Variants in PCDH15 observed in about 807,000 individuals in gnomAD.
The protein encoded by PCDH15 is protocadherin-15.
A neutral mutation model predicts 178.5 loss-of-function variants in PCDH15; 129 were observed. The ratio of observed to expected loss-of-function variants is 0.72; its 90% CI spans 0.63 to 0.84. The LOEUF (loss-of-function observed/expected upper bound fraction) is 0.84, where lower values mean the gene tolerates loss of function less well. Among genes scored for constraint, PCDH15 ranks in the 40% least tolerant of loss-of-function variants. The pLI, the probability that PCDH15 is intolerant of heterozygous loss-of-function variation, is 0.00. For missense variants in PCDH15, 2,230 were observed against 2,099.9 expected (o/e 1.06, Z -1.21); for synonymous variants, 800 against 732.0 (o/e 1.09, Z -1.50).
At chr10:54,678,466 T>G (rs1361776452) in intron 1 of PCDH15, among the ~76,000 whole-genome samples, 1 of 152,180 alleles carries the variant, frequency 6.6e-6, no homozygotes, top group Non-Finnish European at 1.5e-5. Context: ...TTTTTATTTT[T>G]TGGTGAGCAA....
chr10:55,146,052 T>G (rs1357409629), intron 2 of PCDH15, among the ~76,000 whole-genome samples: 1 of 151,848 alleles, frequency 6.6e-6, no homozygotes, highest in East Asian at 1.9e-4. Flanking sequence ...TTTTTCTGTA[T>G]AATCAGCTGA....
At chr10:54,031,551 A>AG (rs1352513478) in intron 18 of PCDH15, among the ~76,000 whole-genome samples, 20 of 89,916 alleles carry the variant, frequency 2.2e-4, no homozygotes, top group African/African-American at 4.6e-4. Context: ...ATGGTAGAGA[A>AG]GGAAAAAAAA....
At chr10:55,325,008 T>C (rs1843994328) in intron 2 of PCDH15, among the ~76,000 whole-genome samples, 1 of 152,018 alleles carries the variant, frequency 6.6e-6, no homozygotes, top group Non-Finnish European at 1.5e-5. Context: ...GGAATACAGC[T>C]AATCAGAGAG....
At chr10:53,888,603 A>G (rs1252475105) in intron 26 of PCDH15, among the ~76,000 whole-genome samples, 1 of 59,054 alleles carries the variant, frequency 1.7e-5, no homozygotes, top group Non-Finnish European at 3.1e-5. Context: ...TTTTTTAGTC[A>G]TTGTGATGAA....
chr10:54,102,206 G>T (rs1300061348), intron 15 of PCDH15, among the ~76,000 whole-genome samples: 1 of 152,070 alleles, frequency 6.6e-6, no homozygotes, highest in Admixed American at 6.5e-5. Context: ...CAAGAACATG[G>T]GAATTCTTCC....
intron 11 of PCDH15, among the ~76,000 whole-genome samples, chr10:54,191,605 G>A (rs1264696036): frequency 2.0e-5 from 3 of 152,034 alleles, no homozygotes; most frequent in African/African-American, 4.8e-5. Flanking sequence ...AGAGGAATAG[G>A]TGTCATAAAA....
At chr10:54,279,516 C>T (rs573148309) in intron 8 of PCDH15, among the ~76,000 whole-genome samples, 8 of 151,566 alleles carry the variant, frequency 5.3e-5, no homozygotes, top group Non-Finnish European at 3.0e-5. Flanking sequence ...TGGTATCAGT[C>T]TTAGATAACA....
intron 2 of PCDH15, among the ~76,000 whole-genome samples, chr10:55,111,853 C>CA (rs1017592416): frequency 2.0e-5 from 3 of 151,380 alleles, no homozygotes; most frequent in Non-Finnish European, 2.9e-5. Flanking sequence ...AACTCCATCT[C>CA]AAAAAAAACA....
At chr10:55,157,917 C>A (rs1291950955) in intron 2 of PCDH15, among the ~76,000 whole-genome samples, 1 of 150,124 alleles carries the variant, frequency 6.7e-6, no homozygotes, top group Non-Finnish European at 1.5e-5. Context: ...AACAAACATG[C>A]ATGTTGTGCA....
chr10:55,549,364 T>C (rs1440353800), intron 2 of PCDH15, among the ~76,000 whole-genome samples: 1 of 152,132 alleles, frequency 6.6e-6, no homozygotes, highest in Non-Finnish European at 1.5e-5. Context: ...CAAAATAATA[T>C]GAGTATGCTT....
chr10:55,186,487 A>G (rs1375673183), intron 1 of PCDH15, among the ~76,000 whole-genome samples: 1 of 151,618 alleles, frequency 6.6e-6, no homozygotes, highest in Non-Finnish European at 1.5e-5. Context: ...TCATAGACGT[A>G]TCCTGGTTTG....
chr10:55,064,118 C>T (rs1285920191), intron 2 of PCDH15, among the ~76,000 whole-genome samples: 2 of 151,988 alleles, frequency 1.3e-5, no homozygotes, highest in Non-Finnish European at 2.9e-5. Flanking sequence ...ATATTAGTCA[C>T]CATAAATACA....
chr10:55,436,862 A>G (rs1303591318), intron 2 of PCDH15, among the ~76,000 whole-genome samples: 1 of 152,206 alleles, frequency 6.6e-6, no homozygotes, highest in African/African-American at 2.4e-5. Context: ...CCGTTGTATC[A>G]TTCAGAAAAA....
chr10:55,217,336 G>T (rs571383510), intron 1 of PCDH15, among the ~76,000 whole-genome samples: 2 of 151,924 alleles, frequency 1.3e-5, no homozygotes, highest in Admixed American at 1.3e-4. Context: ...AAACAAATTG[G>T]TTTTTGCCAT....
At chr10:54,512,278 G>T (rs568603426) in intron 3 of PCDH15, among the ~76,000 whole-genome samples, 6 of 151,212 alleles carry the variant, frequency 4.0e-5, no homozygotes, top group Non-Finnish European at 5.9e-5. Flanking sequence ...GTAGATGCAG[G>T]TATGGTTTCA....
chr10:54,061,884 T>C (rs1231686709), intron 18 of PCDH15, among the ~76,000 whole-genome samples: 1 of 152,110 alleles, frequency 6.6e-6, no homozygotes, highest in Non-Finnish European at 1.5e-5. Context: ...TAAATTTGCT[T>C]CAAAAGTATT....
intron 1 of PCDH15, among the ~76,000 whole-genome samples, chr10:54,789,054 TTGC>T (rs966974643): frequency 4.0e-5 from 6 of 151,864 alleles, no homozygotes; most frequent in African/African-American, 1.4e-4. Context: ...TCAGGAATTG[TTGC>T]TGATTTTTTT....
At chr10:53,858,822 T>C (rs2078923235) in intron 27 of PCDH15, among the ~76,000 whole-genome samples, 1 of 152,182 alleles carries the variant, frequency 6.6e-6, no homozygotes, top group Non-Finnish European at 1.5e-5. Context: ...AAAGGGATCA[T>C]TACAGTTTTT....
At chr10:54,516,808 G>A (rs188541157) in intron 3 of PCDH15, among the ~76,000 whole-genome samples, 1,642 of 152,284 alleles carry the variant, frequency 0.011, 28 homozygotes, top group African/African-American at 0.036. Flanking sequence ...GGCAGCCAGA[G>A]AGAAAGATTG....
Sources: allele counts gnomAD v4.1 joint callset (sites outside exome capture counted in the v4.1 genomes callset), GRCh38; gene constraint gnomAD v4.1.1; transcripts MANE v1.5; gene names NCBI Gene and HGNC (gene_info 2026-07-23, HGNC 2026-07-21).